SASH1: variants seen among roughly 807,000 people sequenced by gnomAD.
SASH1 encodes SAM and SH3 domain-containing protein 1.
SASH1 carries 44 observed loss-of-function variants against 125.2 expected under a neutral mutation model. That is an observed-to-expected ratio of 0.35 (90% CI 0.28 to 0.45). The LOEUF (loss-of-function observed/expected upper bound fraction) is 0.45. SASH1 is among the 20% of genes least tolerant of loss of function. The pLI is 1.00. For synonymous variants in SASH1, 639 were observed against 649.1 expected (o/e 0.98, Z 0.24); for missense variants, 1,426 against 1,614.5 (o/e 0.88, Z 2.00).
At chr6:148,504,179 T>C (rs905941232) in intron 8 of SASH1, among the ~76,000 whole-genome samples, 1 of 152,004 alleles carries the variant, frequency 6.6e-6, no homozygotes, top group Non-Finnish European at 1.5e-5. Context: ...GAAGGATGCA[T>C]AGGAGTTAGG....
At chr6:148,204,352 T>G in the SASH1 span, among the ~76,000 whole-genome samples, 4 of 152,156 alleles carry the variant, frequency 2.6e-5, no homozygotes, top group Non-Finnish European at 5.9e-5. Flanking sequence ...CTTTTTTCAT[T>G]GCATAGTCAT....
the SASH1 span, among the ~76,000 whole-genome samples, chr6:148,249,345 T>C: frequency 0.012 from 2 of 162 alleles, no homozygotes; most frequent in Non-Finnish European, 0.071. Flanking sequence ...TGTGTGTGTG[T>C]GCATGCATCA....
Position 148,498,874 on chromosome 6 carries a change from G to A in SASH1, c.729+11159G>A, listed in dbSNP as rs144526923. On this transcript the variant is annotated intron_variant, in intron 8 of 19. Transcript: ENST00000367467. The stretch of plus-strand genomic sequence containing the variant: ...TTGTTAAATCATTTGCCCTAGCGCC[G>A]GTCCTTATTTAATGGATGGGTTGGG... 1.6e-4 allele frequency among the ~76,000 whole-genome samples: 25 copies of A among 152,120 alleles called. No homozygotes were observed. In the East Asian group the frequency reaches 4.2e-3, roughly 26 times the overall value.
chr6:148,512,854 C>T, intron 8 of SASH1: 1 of 985,204 alleles, frequency 1.0e-6, no homozygotes, highest in African/African-American at 1.7e-5. Context: ...GTCCTGATGA[C>T]TTGCTGATGT....
chr6:148,382,086 C>G (rs1783163311), intron 1 of SASH1, among the ~76,000 whole-genome samples: 1 of 152,048 alleles, frequency 6.6e-6, no homozygotes, highest in South Asian at 2.1e-4. Context: ...CAAAAGACAC[C>G]TTGTGTGAGA....
intron 2 of SASH1, among the ~76,000 whole-genome samples, chr6:148,436,674 AGCTTTC>A (rs1373639087): frequency 6.6e-6 from 1 of 152,204 alleles, no homozygotes; most frequent in African/African-American, 2.4e-5. Flanking sequence ...TGAGTGAGCA[AGCTTTC>A]CAGTGATTAC....
rs146990602 is a variant in SASH1 at position 148,421,150 on chromosome 6, A to T, written c.286-19034A>T. On this transcript the variant is annotated intron_variant, in intron 2 of 19. Transcript: ENST00000367467. ...GAAAGGAAGGAAGGAAGGAAGGAAG[A>T]AAGAAAGAAAGAAAGAAAGAAAGAA... 1.2e-4 allele frequency among the ~76,000 whole-genome samples: 6 copies of T among 48,532 alleles called. No individual in the cohort carries two copies. In the South Asian group the frequency reaches 4.4e-3, roughly 36 times the overall value. The allele number at this position is 48,532 out of a possible 152,430, so 31.8% of individuals were successfully genotyped here.
At chr6:148,350,602 T>C (rs939571779) in intron 1 of SASH1, among the ~76,000 whole-genome samples, 14 of 152,234 alleles carry the variant, frequency 9.2e-5, no homozygotes, top group Non-Finnish European at 1.5e-5. Flanking sequence ...GCTGTGGTGC[T>C]ACCTGATTGT....
At chr6:148,387,568 CTT>C (rs1491317737) in intron 1 of SASH1, among the ~76,000 whole-genome samples, 280 of 7,890 alleles carry the variant, frequency 0.035, 6 homozygotes, top group Non-Finnish European at 0.038. Context: ...TTTCTTTTCT[CTT>C]TCTTTCTTTC....
the SASH1 span, among the ~76,000 whole-genome samples, chr6:148,255,664 G>A: frequency 4.6e-3 from 694 of 152,100 alleles, 4 homozygotes; most frequent in African/African-American, 0.016. Context: ...TTGAGACAGG[G>A]TCTTTCCCCA....
rs982981666 is a variant in SASH1, at chr6:148,519,878, G to A, written c.1194G>A (p.Gly398=). The part of the protein sequence containing the change: ...LTEGEMKKGL[G]SLSHGRTCSF... ...AGGGGGAGATGAAGAAGGGTCTCGGGTCCCTAAGCCACGGGGTAAGTACGG... is the reference window on the plus strand; with the variant it reads ...AGGGGGAGATGAAGAAGGGTCTCGGATCCCTAAGCCACGGGGTAAGTACGG... Residue 398 remains glycine, a synonymous_variant, in exon 10 of 20, where the codon GGG becomes GGA. Transcript: ENST00000367467. This position sits in a 1 kb window ranked among gnomAD's most constrained non-coding sequence, Gnocchi z 4.8. The A allele has an allele frequency of 1.9e-6, 3 of 1,576,022 alleles. No individual in the cohort carries two copies. Among genetic ancestry groups the A allele is most frequent in the Admixed American group, 1.8e-5 (1 of 54,806 alleles).
intron 8 of SASH1, among the ~76,000 whole-genome samples, chr6:148,500,069 A>G (rs145729456): frequency 2.2e-4 from 34 of 152,048 alleles, no homozygotes; most frequent in East Asian, 5.8e-4. Context: ...GTTTTTATCT[A>G]TGCTTCTTCT....
chr6:148,544,769 A>G lies in SASH1; in HGVS notation c.3299A>G (p.Lys1100Arg). Residue 1100 changes from lysine to arginine, a missense_variant, in exon 18 of 20, where the codon AAG becomes AGG. Physicochemically the swap from Lys to Arg is conservative, Grantham distance 26. Coordinates refer to ENST00000367467, the MANE Select transcript of SASH1 (RefSeq NM_015278.5). This position sits in a 1 kb window ranked among gnomAD's most constrained non-coding sequence, Gnocchi z 6.4. ...GVDLETLTEN[K>R]LHAEGIDLTE... ...GATCTAGAAACGCTCACTGAAAACAAGCTGCACGCTGAAGGCATCGATCTC... is the reference window on the plus strand; with the variant it reads ...GATCTAGAAACGCTCACTGAAAACAGGCTGCACGCTGAAGGCATCGATCTC... 1 of 1,604,410 alleles carries G rather than the reference A, an allele frequency of 6.2e-7. No homozygotes were observed. The highest frequency in any genetic ancestry group is 1.1e-5 in the South Asian group (1 of 89,376).
chr6:148,482,185 G>A, intron 7 of SASH1, among the ~76,000 whole-genome samples: 1 of 152,274 alleles, frequency 6.6e-6, no homozygotes, highest in South Asian at 2.1e-4. Context: ...AAGAATAGTA[G>A]TAAATGTATT....
chr6:148,231,680 T>G, the SASH1 span, among the ~76,000 whole-genome samples: 1 of 152,176 alleles, frequency 6.6e-6, no homozygotes, highest in African/African-American at 2.4e-5. Flanking sequence ...TTGCCCCAGA[T>G]AGTTAAAATG....
chr6:148,539,877 A>G lies in SASH1; in HGVS notation c.2096-566A>G, dbSNP rs931200207. Among the ~76,000 whole-genome samples the G allele has an allele frequency of 2.0e-5, 3 of 152,140 alleles. No individual in the cohort carries two copies. In the South Asian group the frequency reaches 6.2e-4, roughly 32 times the overall value. On this transcript the variant is annotated intron_variant, in intron 16 of 19. Transcript: ENST00000367467. The stretch of plus-strand genomic sequence containing the variant: ...TTGCCAGCCTTACTCTTGCTGAGCT[A>G]ATACAAGAGCCCTCAGCACGTGTTG...
chr6:148,420,458 G>C (rs1785011538), intron 2 of SASH1, among the ~76,000 whole-genome samples: 1 of 152,218 alleles, frequency 6.6e-6, no homozygotes, highest in Non-Finnish European at 1.5e-5. Flanking sequence ...TAAGTATTGA[G>C]TATCTATTAA....
intron 11 of SASH1, among the ~76,000 whole-genome samples, chr6:148,527,048 A>G (rs1256197191): frequency 2.6e-5 from 4 of 151,752 alleles, no homozygotes; most frequent in Non-Finnish European, 4.4e-5. Context: ...AATTTTTTGT[A>G]TTTTTAGTAG....
intron 1 of SASH1, among the ~76,000 whole-genome samples, chr6:148,313,295 T>TTAAG (rs1780385643): frequency 6.6e-6 from 1 of 152,204 alleles, no homozygotes; most frequent in Non-Finnish European, 1.5e-5. Flanking sequence ...AGAAAATTCA[T>TTAAG]TAAGTGCAAA....
Sources: allele counts gnomAD v4.1 joint callset (sites outside exome capture counted in the v4.1 genomes callset), GRCh38; gene constraint gnomAD v4.1.1; non-coding constraint Gnocchi (gnomAD v3.1); transcripts MANE v1.5; gene names NCBI Gene and HGNC (gene_info 2026-07-23, HGNC 2026-07-21).